The following SLC10A2 variants were observed in gnomAD, a reference collection of about 807,000 sequenced individuals.
SLC10A2 encodes the protein ileal sodium/bile acid cotransporter.
A neutral mutation model predicts 27.1 loss-of-function variants in SLC10A2; 34 were observed. The observed-to-expected ratio is 1.26, with a 90% CI of 0.96 to 1.67. The LOEUF is 1.67. Ranked by LOEUF, SLC10A2 falls within the 40% of genes most tolerant of loss-of-function variation. SLC10A2 has a pLI of 0.00. For missense variants in SLC10A2, 530 were observed against 444.4 expected, an observed-to-expected ratio of 1.19 and a Z score of -1.73; for synonymous variants, 205 against 174.0, an observed-to-expected ratio of 1.18 and a Z score of -1.40.
intron 1 of SLC10A2, 101 bp downstream of exon 1, chr13:103,065,772 T>A (rs1171003654): frequency 1.5e-6 from 2 of 1,360,548 alleles, no homozygotes; most frequent in Non-Finnish European, 2.1e-6. Flanking sequence ...TTAGTCATAC[T>A]TTAGATGCGT....
chr13:103,048,965 T>C (rs1332994165), intron 5 of SLC10A2, among the ~76,000 whole-genome samples: 1 of 152,174 alleles, frequency 6.6e-6, no homozygotes, highest in Non-Finnish European at 1.5e-5. Flanking sequence ...AAATCCTGAG[T>C]TCCTGGGCGA....
intron 1 of SLC10A2, among the ~76,000 whole-genome samples, chr13:103,060,691 C>CAT (rs1458035601): frequency 6.6e-6 from 1 of 152,012 alleles, no homozygotes; most frequent in African/African-American, 2.4e-5. Context: ...CTGCTGTGAT[C>CAT]ATTTATGTTA....
chr13:103,049,896 T>G (rs1395427875), intron 4 of SLC10A2, among the ~76,000 whole-genome samples: 1 of 152,180 alleles, frequency 6.6e-6, no homozygotes, highest in Non-Finnish European at 1.5e-5. Context: ...ATCTCAGCAC[T>G]TTGGGAGGCT....
intron 3 of SLC10A2, among the ~76,000 whole-genome samples, chr13:103,051,897 T>C (rs1221449450): frequency 2.6e-5 from 4 of 152,234 alleles, no homozygotes; most frequent in African/African-American, 9.6e-5. Context: ...TATAGAACTC[T>C]ATACAACTTT....
Position 103,061,191 on chromosome 13 carries a change from T to A in SLC10A2, c.378-2809A>T, listed in dbSNP as rs1316598298. ...TTCTGGTTATAGGTAAATTTAGGCA[T>A]GAAATAGATGCTAAGGCAGAATTGT... On this transcript the variant is annotated intron_variant, in intron 1 of 5. Transcript: ENST00000245312. Among the ~76,000 whole-genome samples, 6 of 149,590 alleles carry A rather than the reference T, an allele frequency of 4.0e-5. No homozygotes were observed. The East Asian group carries it at 1.2e-3, about 29-fold the overall frequency.
intron 1 of SLC10A2, among the ~76,000 whole-genome samples, chr13:103,062,770 T>A (rs866135716): frequency 1.3e-5 from 2 of 152,146 alleles, no homozygotes; most frequent in South Asian, 4.1e-4. Context: ...GGAAAGTCTG[T>A]AAAATAATAA....
intron 1 of SLC10A2, among the ~76,000 whole-genome samples, chr13:103,060,335 C>T (rs1408389699): frequency 6.6e-6 from 1 of 151,066 alleles, no homozygotes; most frequent in Non-Finnish European, 1.5e-5. Flanking sequence ...GTGTCCGGCA[C>T]TTAGACCAAT....
At chr13:103,056,928 T>C (rs997024442) in intron 2 of SLC10A2, among the ~76,000 whole-genome samples, 2 of 152,194 alleles carry the variant, frequency 1.3e-5, no homozygotes, top group South Asian at 4.1e-4. Context: ...CCCCAATTAG[T>C]ATTCACAAAG....
At chr13:103,050,689 G>A (rs930219531) in intron 4 of SLC10A2, among the ~76,000 whole-genome samples, 19 of 152,086 alleles carry the variant, frequency 1.2e-4, no homozygotes, top group Middle Eastern at 3.2e-3. Flanking sequence ...TTCTTTCTGG[G>A]GACTTGCATG....
intron 3 of SLC10A2, among the ~76,000 whole-genome samples, chr13:103,052,053 A>G (rs17274080): frequency 0.026 from 4,005 of 152,342 alleles, 76 homozygotes; most frequent in African/African-American, 0.04. Flanking sequence ...AGCAGAATCT[A>G]TCTATATTAT....
At position 103,045,492 on chromosome 13, in the gene SLC10A2, T is replaced by C. The variant is rs1414943655; in HGVS notation, c.*641A>G. On this transcript the variant is annotated 3_prime_UTR_variant, in exon 6 of 6. Transcript: ENST00000245312. ...AGTTAAGAGCCTGCATCCAATATGG[T>C]TATTGAATTCTATTTTGTAATAATT... 6.5e-6 allele frequency: 1 copy of C among 152,676 alleles called. No individual in the cohort carries two copies. Among genetic ancestry groups the C allele is most frequent in the African/African-American group, 2.4e-5 (1 of 41,468 alleles). The allele number at this position is 152,676 out of a possible 1,614,324, so 9.5% of individuals were successfully genotyped here.
intron 4 of SLC10A2, among the ~76,000 whole-genome samples, chr13:103,050,532 A>T (rs1049173395): frequency 2.6e-5 from 4 of 152,208 alleles, no homozygotes; most frequent in African/African-American, 9.7e-5. Context: ...AGCTGGAGGA[A>T]CGCTTGTCTA....
At chr13:103,061,098 T>A (rs1322024652) in intron 1 of SLC10A2, among the ~76,000 whole-genome samples, 2 of 152,218 alleles carry the variant, frequency 1.3e-5, no homozygotes, top group Non-Finnish European at 2.9e-5. Flanking sequence ...CTTGTTTTAG[T>A]AGAGCTAAAA....
chr13:103,051,843 G>A (rs16961178), intron 3 of SLC10A2, among the ~76,000 whole-genome samples: 4,969 of 152,172 alleles, frequency 0.033, 126 homozygotes, highest in African/African-American at 0.069. Context: ...ATAAAATGTC[G>A]CCCCAGCTTC....
chr13:103,065,366 T>C (rs944972449), intron 1 of SLC10A2, among the ~76,000 whole-genome samples: 2 of 152,212 alleles, frequency 1.3e-5, no homozygotes, highest in East Asian at 3.8e-4. Context: ...TACAAATTCT[T>C]CCTTAGGTTT....
At position 103,061,161 on chromosome 13, in the gene SLC10A2, A is replaced by G. The variant is rs77897643; in HGVS notation, c.378-2779T>C. Among the ~76,000 whole-genome samples the G allele has an allele frequency of 1.8e-3, 272 of 151,986 alleles. 6 individuals are homozygous for G. In the East Asian group the frequency reaches 0.047, roughly 26 times the overall value. ...TGTATTTAAAACTTTAAGCAGTTCAATCTATTCTGGTTATAGGTAAATTTA... is the reference window on the plus strand; with the variant it reads ...TGTATTTAAAACTTTAAGCAGTTCAGTCTATTCTGGTTATAGGTAAATTTA... On this transcript the variant is annotated intron_variant, in intron 1 of 5. Transcript: ENST00000245312.
Position 103,066,261 on chromosome 13 carries a change from C to A in SLC10A2, c.-12G>T. 6.3e-7 allele frequency: 1 copy of A among 1,591,692 alleles called. No individual in the cohort carries two copies. The highest frequency in any genetic ancestry group is 1.1e-5 in the South Asian group (1 of 88,274). On this transcript the variant is annotated 5_prime_UTR_variant, in exon 1 of 6. Transcript: ENST00000245312. The stretch of plus-strand genomic sequence containing the variant: ...TTCGGATCATTCATTGCTGGGTCTG[C>A]TGCTGGAAAGGCCAAGTCCACAGAA...
chr13:103,059,966 A>G (rs938146642), intron 1 of SLC10A2, among the ~76,000 whole-genome samples: 1 of 152,200 alleles, frequency 6.6e-6, no homozygotes, highest in Non-Finnish European at 1.5e-5. Context: ...AATTTGGCAA[A>G]TGTGTGTTCA....
intron 1 of SLC10A2, 60 bp from the exon 2 acceptor site, chr13:103,058,442 T>C: frequency 1.0e-6 from 1 of 988,676 alleles, no homozygotes; most frequent in Non-Finnish European, 1.6e-6. Flanking sequence ...AGATGCTGTT[T>C]TATTTTTATT....
Sources: allele counts gnomAD v4.1 joint callset (sites outside exome capture counted in the v4.1 genomes callset), GRCh38; gene constraint gnomAD v4.1.1; transcripts MANE v1.5; gene names NCBI Gene and HGNC (gene_info 2026-07-23, HGNC 2026-07-21).